LDB3: variants seen among roughly 807,000 people sequenced by gnomAD.
LDB3 encodes the protein LIM domain-binding protein 3.
A neutral mutation model predicts 69.0 loss-of-function variants in LDB3; 49 were observed. The ratio of observed to expected loss-of-function variants is 0.71; its 90% CI spans 0.56 to 0.90. LDB3 has a LOEUF of 0.90. Ranked by LOEUF, LDB3 falls within the 40% of genes least tolerant of loss-of-function variation. The pLI, the probability that LDB3 is intolerant of heterozygous loss-of-function variation, is 0.00. For synonymous variants in LDB3, 387 were observed against 396.2 expected, an observed-to-expected ratio of 0.98 and a Z score of 0.28; for missense variants, 928 against 974.1, an observed-to-expected ratio of 0.95 and a Z score of 0.63.
chr10:86,691,353 T>G (rs1376059097), intron 5 of LDB3, among the ~76,000 whole-genome samples: 1 of 152,124 alleles, frequency 6.6e-6, no homozygotes, highest in East Asian at 1.9e-4. Flanking sequence ...CCTTGCTGCC[T>G]TGTTTCTTAC....
upstream of LDB3, chr10:86,668,306 A>G (rs901729654): frequency 2.9e-5 from 10 of 344,052 alleles, no homozygotes; most frequent in African/African-American, 2.1e-4. Context: ...AGACCAGAGC[A>G]TTCTCACCAA....
intron 5 of LDB3, among the ~76,000 whole-genome samples, chr10:86,684,670 T>A (rs79102492): frequency 3.9e-5 from 6 of 152,046 alleles, no homozygotes; most frequent in Non-Finnish European, 8.8e-5. Flanking sequence ...GAGCCTGGCT[T>A]CCCAGGGTTT....
At position 86,699,778 on chromosome 10, in the gene LDB3, T is replaced by C. The variant is rs1164277583; in HGVS notation, c.897-6753T>C. The C allele has an allele frequency of 3.7e-6, 4 of 1,070,344 alleles. No individual in the cohort carries two copies. The African/African-American group carries it at 4.9e-5, about 13-fold the overall frequency. 66.3% of individuals were successfully genotyped at this position (1,070,344 alleles called of 1,614,324 possible). ...CTCCTGGCCTCATCCCCTCCTAGAA[T>C]GAGTCACCCGTAGATCAGGGTCTGG... On this transcript the variant is annotated intron_variant, in intron 7 of 13. Transcript: ENST00000361373. The surrounding 1 kb of genome is among the most constrained non-coding windows in gnomAD (Gnocchi z 4.9).
chr10:86,716,013 G>A (rs12218046), intron 9 of LDB3, among the ~76,000 whole-genome samples: 6,903 of 150,370 alleles, frequency 0.046, 314 homozygotes, highest in African/African-American at 0.11. Flanking sequence ...CCCCCACTCT[G>A]CGTCTTATGC....
At chr10:86,709,883 A>T (rs1246830080) in intron 8 of LDB3, 22 bp from the exon 9 acceptor site, 6 of 1,604,590 alleles carry the variant, frequency 3.7e-6, no homozygotes, top group Middle Eastern at 1.9e-4. Flanking sequence ...TCTGGGTGTA[A>T]CCCCTCCCCG....
chr10:86,732,003 CTTTTTCTTTT>C (rs1847480954), intron 13 of LDB3, among the ~76,000 whole-genome samples: 1 of 123,236 alleles, frequency 8.1e-6, no homozygotes, highest in African/African-American at 3.2e-5. Context: ...TTCTTTCTTT[CTTTTTCTTTT>C]TTTTTTTTTT....
intron 13 of LDB3, among the ~76,000 whole-genome samples, chr10:86,729,548 C>G (rs1238257202): frequency 6.6e-6 from 1 of 152,312 alleles, no homozygotes; most frequent in Admixed American, 6.5e-5. Flanking sequence ...GACTTGCAGT[C>G]AGCACTGTCC....
At chr10:86,670,362 A>G (rs995600161) in intron 2 of LDB3, among the ~76,000 whole-genome samples, 25 of 152,066 alleles carry the variant, frequency 1.6e-4, no homozygotes, top group African/African-American at 6.0e-4. Flanking sequence ...CCCCACCCCC[A>G]TGCTTGCAGG....
In LDB3 at chr10:86,699,647, C is replaced by T. The variant is rs1846171661; in HGVS notation, c.897-6884C>T. 7.5e-7 allele frequency: 1 copy of T among 1,324,868 alleles called. No individual in the cohort carries two copies. Among genetic ancestry groups the T allele is most frequent in the Non-Finnish European group, 9.7e-7 (1 of 1,028,786 alleles). 82.1% of individuals were successfully genotyped at this position (1,324,868 alleles called of 1,614,324 possible). A position where few individuals can be genotyped will look rare whatever the true frequency, so the allele number is the denominator to read the frequency against. ...GTAGCCCAATCCCCTGCCCTCTGCA[C>T]AGGGCCTTAGCTGTAGACCAGAGAG... On this transcript the variant is annotated intron_variant, in intron 7 of 13. Coordinates refer to ENST00000361373, the MANE Select transcript of LDB3 (RefSeq NM_007078.3). The surrounding 1 kb of genome is among the most constrained non-coding windows in gnomAD (Gnocchi z 4.9).
chr10:86,687,039 C>T, intron 5 of LDB3: 1 of 1,609,552 alleles, frequency 6.2e-7, no homozygotes, highest in Non-Finnish European at 8.5e-7. Context: ...CCTCCCTCTC[C>T]CTGCCCGTAC....
chr10:86,712,678 G>C (rs1490053951), intron 9 of LDB3, among the ~76,000 whole-genome samples: 1 of 152,208 alleles, frequency 6.6e-6, no homozygotes, highest in Non-Finnish European at 1.5e-5. Flanking sequence ...GCAGCACCAC[G>C]CAATAGAAAT....
Position 86,716,379 on chromosome 10 carries a change from C to A in LDB3, c.1284C>A (p.Pro428=), listed in dbSNP as rs1361510751. Residue 428 remains proline (P), a synonymous_variant, in exon 10 of 14, where the codon CCC becomes CCA. Transcript: ENST00000361373. ...CAGGGGCCAATTACAGTCCCACTCCCTACACCCCCTCCCCTGCCCCTGCCT... is the reference window on the plus strand; with the variant it reads ...CAGGGGCCAATTACAGTCCCACTCCATACACCCCCTCCCCTGCCCCTGCCT... ...PSPGANYSPT[P]YTPSPAPAYT... 6.2e-7 allele frequency: 1 copy of A among 1,607,222 alleles called. No homozygotes were observed. The highest frequency in any genetic ancestry group is 8.5e-7 in the Non-Finnish European group (1 of 1,178,022).
At position 86,716,233 on chromosome 10, in the gene LDB3, G is replaced by T. The variant is rs1445917447; in HGVS notation, c.1232-94G>T. On this transcript the variant is annotated intron_variant, in intron 9 of 13. Coordinates refer to ENST00000361373, the MANE Select transcript of LDB3 (RefSeq NM_007078.3). ...GAAATTGTACTGCTCTAATGTTAAA[G>T]TCACCTTTTGCATTTCTCTGGCTAG... 4.8e-6 allele frequency: 7 copies of T among 1,449,058 alleles called. No individual in the cohort carries two copies. The African/African-American group carries it at 9.8e-5, about 20-fold the overall frequency. 89.8% of individuals were successfully genotyped at this position (1,449,058 alleles called of 1,614,324 possible).
intron 13 of LDB3, among the ~76,000 whole-genome samples, chr10:86,727,017 A>ATT (rs35394356): frequency 1.4e-4 from 20 of 138,122 alleles, no homozygotes; most frequent in East Asian, 6.4e-4. Context: ...CGATTTGAGA[A>ATT]TTTTTTTTTT....
chr10:86,706,771 C>A (rs750997674), intron 8 of LDB3, 52 bp downstream of exon 8: 1 of 1,551,080 alleles, frequency 6.4e-7, no homozygotes, highest in Admixed American at 1.9e-5. Context: ...AGGCAGGAAA[C>A]GCCCCACTCT....
At chr10:86,728,586 G>GTTTTTTTTTTTTGTT (rs1554868911) in intron 13 of LDB3, among the ~76,000 whole-genome samples, 7 of 131,456 alleles carry the variant, frequency 5.3e-5, no homozygotes, top group African/African-American at 2.0e-4. Flanking sequence ...TGGTTCTTTT[G>GTTTTTTTTTTTTGTT]TTTTTTTTTT....
At chr10:86,679,153 C>T (rs1844964866) in intron 2 of LDB3, among the ~76,000 whole-genome samples, 1 of 152,180 alleles carries the variant, frequency 6.6e-6, no homozygotes, top group Non-Finnish European at 1.5e-5. Flanking sequence ...GAGCTAGTCC[C>T]AAGGCTGCAG....
At chr10:86,684,207 A>T (rs1356377198) in intron 5 of LDB3, among the ~76,000 whole-genome samples, 1 of 152,222 alleles carries the variant, frequency 6.6e-6, no homozygotes, top group Non-Finnish European at 1.5e-5. Flanking sequence ...AGTGCCCCTC[A>T]GGCCACTCAG....
rs878854907 is a variant in LDB3 at position 86,681,564 on chromosome 10, C to T, written c.450C>T (p.Ser150=). The change falls in exon 5 of 14, where the codon TCC becomes TCT. Residue 150 remains serine, a synonymous_variant. Transcript: ENST00000361373. ...TTAGCCCTGCCTTCTCCCGGCCCTC[C>T]GCCTTCTCCTCACTCGCCGAGGCCT... The part of the protein sequence containing the change: ...PTFSPAFSRP[S]AFSSLAEASD... 6 of 1,613,038 alleles carry T rather than the reference C, an allele frequency of 3.7e-6. No individual in the cohort carries two copies. Among genetic ancestry groups the T allele is most frequent in the East Asian group, 4.5e-5 (2 of 44,860 alleles).
Sources: gnomAD v4.1 joint callset for allele counts (sites outside exome capture counted in the v4.1 genomes callset) on GRCh38, gnomAD v4.1.1 for gene constraint, Gnocchi (gnomAD v3.1) non-coding constraint, MANE v1.5 for transcripts, NCBI Gene and HGNC (gene_info 2026-07-23, HGNC 2026-07-21) for gene names.